RALY: variants seen among roughly 807,000 people sequenced by gnomAD.
The protein encoded by RALY is RALY heterogeneous nuclear ribonucleoprotein, also known as RNA-binding protein Raly.
In RALY, 15 loss-of-function variants were observed where a neutral mutation model predicts 30.7. The observed-to-expected ratio is 0.49, with a 90% CI of 0.33 to 0.75. The LOEUF (loss-of-function observed/expected upper bound fraction) is 0.75, where lower values mean the gene tolerates loss of function less well. Among genes scored for constraint, RALY ranks in the 30% least tolerant of loss-of-function variants. The pLI is 0.02. For synonymous variants in RALY, 177 were observed against 170.8 expected (o/e 1.04, Z -0.28); for missense variants, 339 against 414.3 (o/e 0.82, Z 1.58).
chr20:34,076,787 G>T lies in RALY; in HGVS notation c.630G>T (p.Gln210His). Residue 210 changes from glutamine (Q) to histidine (H), a missense_variant, in exon 7 of 10, where the codon CAG becomes CAT. By Grantham distance (24) the Gln-to-His change is conservative (BLOSUM62 0). This residue lies in a region of RALY where 268 missense variants were observed against 280.6 expected (regional missense o/e 0.95). Coordinates refer to ENST00000246194, the MANE Select transcript of RALY (RefSeq NM_016732.3). ...ATGCCCTGCTGAGCCGCTTGGAGCA[G>T]ATCGCTGCGGAGCAAAAGGCCAATC... ...NIDALLSRLE[Q>H]IAAEQKANPD... 2.5e-6 allele frequency: 4 copies of T among 1,614,134 alleles called. No individual in the cohort carries two copies. The highest frequency in any genetic ancestry group is 3.4e-6 in the Non-Finnish European group (4 of 1,180,026).
chr20:34,079,269 G>C (rs1290344375), intron 9 of RALY, among the ~76,000 whole-genome samples: 5 of 152,178 alleles, frequency 3.3e-5, no homozygotes, highest in Non-Finnish European at 7.4e-5. Flanking sequence ...GACACTAAAG[G>C]GTGCAGGGAG....
At chr20:34,050,957 A>G (rs920016400) in intron 2 of RALY, among the ~76,000 whole-genome samples, 6 of 152,198 alleles carry the variant, frequency 3.9e-5, no homozygotes, top group South Asian at 2.1e-4. Flanking sequence ...AGAGTAATCA[A>G]TACTGAGAGA....
intron 1 of RALY, among the ~76,000 whole-genome samples, chr20:33,997,263 C>T (rs1179098061): frequency 6.6e-6 from 1 of 152,116 alleles, no homozygotes; most frequent in African/African-American, 2.4e-5. Flanking sequence ...TACAGGCATG[C>T]ACCATCACGC....
chr20:34,069,102 A>G (rs1317208936), intron 2 of RALY, among the ~76,000 whole-genome samples: 5 of 152,068 alleles, frequency 3.3e-5, no homozygotes, highest in Non-Finnish European at 7.4e-5. Context: ...CAGAAAACTG[A>G]TCTTCATATG....
At chr20:34,061,136 G>A (rs2033403829) in intron 2 of RALY, among the ~76,000 whole-genome samples, 1 of 152,140 alleles carries the variant, frequency 6.6e-6, no homozygotes, top group Non-Finnish European at 1.5e-5. Context: ...AGAGGGTCTG[G>A]AATACCAGAC....
chr20:34,048,639 G>A (rs2032967881), intron 2 of RALY, among the ~76,000 whole-genome samples: 1 of 152,038 alleles, frequency 6.6e-6, no homozygotes, highest in Non-Finnish European at 1.5e-5. Flanking sequence ...GGTGGATCAC[G>A]AGGTCAGGAG....
intron 2 of RALY, among the ~76,000 whole-genome samples, chr20:34,040,598 C>T (rs1256087098): frequency 6.6e-6 from 1 of 152,192 alleles, no homozygotes. Context: ...ATGTGAATCA[C>T]GTTCAGACTT....
At chr20:33,997,440 G>A (rs768291283) in intron 1 of RALY, among the ~76,000 whole-genome samples, 1 of 152,036 alleles carries the variant, frequency 6.6e-6, no homozygotes, top group African/African-American at 2.4e-5. Flanking sequence ...ATAGAACCGA[G>A]ATAACTCCCC....
rs1474722074 is a variant in RALY at position 34,072,092 on chromosome 20, G to C, written c.18G>C (p.Gln6His). Residue 6 changes from glutamine (Q) to histidine (H), a missense_variant, in exon 3 of 10, where the codon CAG becomes CAC. Physicochemically the swap from Gln to His is conservative, Grantham distance 24 (BLOSUM62 0). Coordinates refer to ENST00000246194, the MANE Select transcript of RALY (RefSeq NM_016732.3). ...TGGGCACCATGTCCTTGAAGCTTCA[G>C]GCAAGCAATGTAACCAACAAGAATG... MSLKL[Q>H]ASNVTNKNDP... 13 of 1,614,184 alleles carry C rather than the reference G, an allele frequency of 8.1e-6. No homozygotes were observed. The highest frequency in any genetic ancestry group is 1.1e-5 in the Non-Finnish European group (13 of 1,180,012).
rs1413143558 is a variant in RALY, at chr20:34,081,835, C to T, written c.*1930C>T. ...CTGGCTTCATACCTGAGCCAAAAGC[C>T]CCAATCCATGCTTGGCCATTGCCTG... is the stretch of plus-strand genomic sequence containing the variant. On this transcript the variant is annotated 3_prime_UTR_variant, in exon 10 of 10. Coordinates refer to ENST00000246194, the MANE Select transcript of RALY (RefSeq NM_016732.3). 2.0e-5 allele frequency: 3 copies of T among 152,336 alleles called. No homozygotes were observed. Among genetic ancestry groups the T allele is most frequent in the Non-Finnish European group, 4.4e-5 (3 of 68,128 alleles). 9.4% of individuals were successfully genotyped at this position (152,336 alleles called of 1,614,324 possible). A position where few individuals can be genotyped will look rare whatever the true frequency, so the allele number is the denominator to read the frequency against.
At chr20:34,020,496 C>G (rs1279777547) in intron 1 of RALY, among the ~76,000 whole-genome samples, 1 of 152,136 alleles carries the variant, frequency 6.6e-6, no homozygotes, top group East Asian at 1.9e-4. Flanking sequence ...TTTAAACCAT[C>G]CTGTAGGCAA....
intron 1 of RALY, among the ~76,000 whole-genome samples, chr20:34,015,565 CT>C (rs1211363450): frequency 6.6e-6 from 1 of 151,752 alleles, no homozygotes; most frequent in African/African-American, 2.4e-5. Context: ...TCATCTGTCT[CT>C]TGTGTTTTAT....
chr20:34,028,442 T>G (rs899434715), intron 1 of RALY, among the ~76,000 whole-genome samples: 7 of 151,776 alleles, frequency 4.6e-5, no homozygotes, highest in South Asian at 2.1e-4. Flanking sequence ...GCCGGAGATG[T>G]TTCAAGAACT....
chr20:34,022,347 A>T (rs1229060501), intron 1 of RALY, among the ~76,000 whole-genome samples: 1 of 152,084 alleles, frequency 6.6e-6, no homozygotes, highest in Non-Finnish European at 1.5e-5. Flanking sequence ...GTATGAGTTG[A>T]GAAGTTGGGG....
At chr20:34,040,647 T>C (rs2032665585) in intron 2 of RALY, among the ~76,000 whole-genome samples, 1 of 152,184 alleles carries the variant, frequency 6.6e-6, no homozygotes, top group Non-Finnish European at 1.5e-5. Flanking sequence ...AGAAGTAACA[T>C]TTATTGTGTG....
At position 34,044,254 on chromosome 20, in the gene RALY, A is replaced by G. The variant is rs555944133; in HGVS notation, c.-10+12650A>G. The stretch of plus-strand genomic sequence containing the variant: ...TGTGTTTTACACATAGCATGCAACA[A>G]TAATTGATTAATTAGGTGATATATA... On this transcript the variant is annotated intron_variant, in intron 2 of 9. Transcript: ENST00000246194. Among the ~76,000 whole-genome samples, 8 of 152,176 alleles carry G rather than the reference A, an allele frequency of 5.3e-5. 1 individual carries two copies. In the South Asian group the frequency reaches 1.7e-3, roughly 32 times the overall value.
At position 34,001,208 on chromosome 20, in the gene RALY, T is replaced by TA. The variant is rs3216534; in HGVS notation, c.-93+7084dup. On this transcript the variant is annotated intron_variant, in intron 1 of 9. Coordinates refer to ENST00000246194, the MANE Select transcript of RALY (RefSeq NM_016732.3). ...GGGACAAACTTGGAGTCCAAGACTA[T>TA]AAAAAAATTACATTAAAATATGTAG... is the stretch of plus-strand genomic sequence containing the variant. Among the ~76,000 whole-genome samples the TA allele has an allele frequency of 8.5e-5, 13 of 152,222 alleles. No individual in the cohort carries two copies. In the East Asian group the frequency reaches 2.5e-3, roughly 29 times the overall value.
intron 2 of RALY, among the ~76,000 whole-genome samples, chr20:34,064,174 CG>C (rs1489271428): frequency 2.6e-5 from 4 of 152,140 alleles, no homozygotes; most frequent in African/African-American, 9.6e-5. Context: ...AACTCAGTAT[CG>C]GGGATTATAG....
At chr20:34,011,028 T>A (rs2123014777) in intron 1 of RALY, among the ~76,000 whole-genome samples, 1 of 22,988 alleles carries the variant, frequency 4.4e-5, no homozygotes, top group South Asian at 1.8e-3. Flanking sequence ...ATGAATAAAC[T>A]GGGTGGGGGG....
Sources: allele counts gnomAD v4.1 joint callset (sites outside exome capture counted in the v4.1 genomes callset), GRCh38; gene constraint gnomAD v4.1.1; regional missense constraint gnomAD v4.1.1; transcripts MANE v1.5; gene names NCBI Gene and HGNC (gene_info 2026-07-23, HGNC 2026-07-21).